SF3A1: variants seen among roughly 807,000 people sequenced by gnomAD.
SF3A1 encodes splicing factor 3a subunit 1.
Under a neutral mutation model 89.9 loss-of-function variants are expected in SF3A1, and 13 were observed. The ratio of observed to expected loss-of-function variants is 0.14; its 90% CI spans 0.09 to 0.23. SF3A1 has a LOEUF of 0.23. Ranked by LOEUF, SF3A1 falls within the 10% of genes least tolerant of loss-of-function variation. The probability of loss-of-function intolerance (pLI) is 1.00; values close to 1 mark genes in which losing one functional copy is unlikely to be tolerated. For synonymous variants in SF3A1, 405 were observed against 374.4 expected (o/e 1.08, Z -0.94); for missense variants, 604 against 1,022.1 (o/e 0.59, Z 5.58).
chr22:30,337,944 T>TC (rs1379337833), intron 11 of SF3A1, 47 bp from the exon 12 acceptor site: 2 of 1,403,836 alleles, frequency 1.4e-6, no homozygotes, highest in East Asian at 4.6e-5. Flanking sequence ...AAAGTTGGAC[T>TC]CCAAGGTCAC....
rs775754074 is a variant in SF3A1 at position 30,346,371 on chromosome 22, C to T, written c.334G>A (p.Ala112Thr). The change falls in exon 3 of 16, where the codon GCC (alanine) becomes ACC (threonine). Residue 112 changes from alanine (A) to threonine (T), a missense_variant. Physicochemically the swap from Ala to Thr is moderately conservative, Grantham distance 58. Around this residue, in one of 9 missense-constraint regions of SF3A1, gnomAD observed 162 missense variants for 229.2 expected, o/e 0.71. Coordinates refer to ENST00000215793, the MANE Select transcript of SF3A1 (RefSeq NM_005877.6). Reference protein sequence around the residue: ...KEGKAQEPSAAIPKVMQQQQQ... With the variant: ...KEGKAQEPSATIPKVMQQQQQ... ...TGCTGCTGCATGACCTTGGGGATGGCGGCGGACGGCTCCTGAGCCTTCCCT... is the reference window on the plus strand; with the variant it reads ...TGCTGCTGCATGACCTTGGGGATGGTGGCGGACGGCTCCTGAGCCTTCCCT... 39 of 1,613,864 alleles carry T rather than the reference C, an allele frequency of 2.4e-5. No individual in the cohort carries two copies. Among genetic ancestry groups the T allele is most frequent in the South Asian group, 5.5e-5 (5 of 91,074 alleles).
At chr22:30,356,619 G>C (rs925356488) in intron 1 of SF3A1, 111 bp downstream of exon 1, 3 of 814,100 alleles carry the variant, frequency 3.7e-6, no homozygotes, top group Non-Finnish European at 5.2e-6. Context: ...AGCCTCTTGG[G>C]ACTTGCAGTC....
chr22:30,344,627 C>A (rs909140564), intron 4 of SF3A1, among the ~76,000 whole-genome samples: 1 of 152,204 alleles, frequency 6.6e-6, no homozygotes, highest in Non-Finnish European at 1.5e-5. Flanking sequence ...TACTAGGCAA[C>A]TGAAAACGGA....
In SF3A1 at chr22:30,342,300, C is replaced by T; in HGVS notation, c.777G>A (p.Lys259=). ...WAKFQERERK[K]EEEEKEKERV... is the part of the protein sequence containing the mutation. ...GCTCCTTCTCCTTCTCCTCTTCTTC[C>T]TTCTTCCTCTCACGTTCCTGGAATT... Residue 259 remains lysine (K), a synonymous_variant, in exon 6 of 16, where the codon AAG becomes AAA. Coordinates refer to ENST00000215793, the MANE Select transcript of SF3A1 (RefSeq NM_005877.6). 1 of 1,614,118 alleles carries T rather than the reference C, an allele frequency of 6.2e-7. No individual in the cohort carries two copies. The highest frequency in any genetic ancestry group is 8.5e-7 in the Non-Finnish European group (1 of 1,180,004).
intron 2 of SF3A1, among the ~76,000 whole-genome samples, chr22:30,348,407 C>T (rs1340324571): frequency 1.3e-5 from 2 of 152,194 alleles, no homozygotes; most frequent in Non-Finnish European, 2.9e-5. Flanking sequence ...ACTCAGGAGG[C>T]TGAGGCGAGA....
rs1193462097 is a variant in SF3A1 at position 30,332,124 on chromosome 22, T to TA, written c.*2469dup. The TA allele has an allele frequency of 1.3e-5, 2 of 152,232 alleles. No homozygotes were observed. Among genetic ancestry groups the TA allele is most frequent in the Non-Finnish European group, 2.9e-5 (2 of 68,036 alleles). The allele number at this position is 152,232 out of a possible 1,614,324, so 9.4% of individuals were successfully genotyped here. A position where few individuals can be genotyped will look rare whatever the true frequency, so the allele number is the denominator to read the frequency against. ...GGGATAAATGAAATATGATTGCTAA[T>TA]AGTACATGTATTTCCATTCAAGTAT... is the stretch of plus-strand genomic sequence containing the variant. On this transcript the variant is annotated 3_prime_UTR_variant, in exon 16 of 16. Coordinates refer to ENST00000215793, the MANE Select transcript of SF3A1 (RefSeq NM_005877.6).
intron 1 of SF3A1, among the ~76,000 whole-genome samples, chr22:30,353,594 T>A (rs893354541): frequency 6.6e-6 from 1 of 152,216 alleles, no homozygotes; most frequent in African/African-American, 2.4e-5. Flanking sequence ...TGTAAAACTT[T>A]TTGTTCTGTT....
At chr22:30,338,467 A>C (rs1201487295) in intron 11 of SF3A1, among the ~76,000 whole-genome samples, 1 of 151,572 alleles carries the variant, frequency 6.6e-6, no homozygotes, top group Non-Finnish European at 1.5e-5. Flanking sequence ...TCAAAAAAAA[A>C]AAAAAAAGAG....
rs1179934012 is a variant in SF3A1, at chr22:30,333,557, G to A, written c.*1037C>T. ...CAGCCTGCCTTTACTCAGAAACCAGGACTGTGACGTGTTTTGCACACATTC... is the reference window on the plus strand; with the variant it reads ...CAGCCTGCCTTTACTCAGAAACCAGAACTGTGACGTGTTTTGCACACATTC... On this transcript the variant is annotated 3_prime_UTR_variant, in exon 16 of 16. Transcript: ENST00000215793. The A allele has an allele frequency of 6.6e-6, 1 of 152,194 alleles. No individual in the cohort carries two copies. The highest frequency in any genetic ancestry group is 1.5e-5 in the Non-Finnish European group (1 of 68,044). The allele number at this position is 152,194 out of a possible 1,614,324, so 9.4% of individuals were successfully genotyped here.
At chr22:30,346,578 G>T in intron 2 of SF3A1, 59 bp from the exon 3 acceptor site, 2 of 1,584,754 alleles carry the variant, frequency 1.3e-6, no homozygotes, top group Non-Finnish European at 1.7e-6. Context: ...CTGTGATCTA[G>T]AACACTGCCC....
chr22:30,345,780 G>A (rs1178317117), intron 3 of SF3A1, among the ~76,000 whole-genome samples: 1 of 152,196 alleles, frequency 6.6e-6, no homozygotes, highest in Non-Finnish European at 1.5e-5. Flanking sequence ...CTGGACAGGA[G>A]GAAAAACATG....
chr22:30,340,649 A>G, intron 8 of SF3A1, 46 bp downstream of exon 8: 1 of 1,215,266 alleles, frequency 8.2e-7, no homozygotes, highest in Non-Finnish European at 1.2e-6. Context: ...GAGGGCACAC[A>G]GGACTTCCTG....
rs1931169881 is a variant in SF3A1 at position 30,339,150 on chromosome 22, T to C, written c.1477A>G (p.Ile493Val). The C allele has an allele frequency of 1.9e-6, 3 of 1,614,074 alleles. No homozygotes were observed. The Admixed American group carries it at 5.0e-5, about 27-fold the overall frequency. The change falls in exon 10 of 16, where the codon ATC becomes GTC. Residue 493 changes from isoleucine to valine, a missense_variant. This residue lies in a region of SF3A1 where 22 missense variants were observed against 116.0 expected (regional missense o/e 0.19). Transcript: ENST00000215793. The part of the protein sequence containing the change: ...AIGKKIGEEE[I>V]QKPEEKVTWD... Reference sequence around the variant, plus strand: ...CGCACCTTTTCCTCTGGCTTCTGGATCTCCTCCTCACCGATCTTCTTACCA... The same window carrying C: ...CGCACCTTTTCCTCTGGCTTCTGGACCTCCTCCTCACCGATCTTCTTACCA...
chr22:30,341,875 A>C lies in SF3A1; in HGVS notation c.888T>G (p.Pro296=), dbSNP rs772436592. ...DFQPNEQGNF[P]PPTTPEELGA... ...CCAGCTCCTCTGGCGTGGTGGGGGG[A>C]GGGAAGTTCCCTAGAGGGTGAGCCA... Residue 296 remains proline, a synonymous_variant, in exon 7 of 16, where the codon CCT becomes CCG. Coordinates refer to ENST00000215793, the MANE Select transcript of SF3A1 (RefSeq NM_005877.6). The C allele has an allele frequency of 6.2e-7, 1 of 1,612,158 alleles. No individual in the cohort carries two copies.
intron 7 of SF3A1, 108 bp downstream of exon 7, chr22:30,341,584 C>A: frequency 1.6e-6 from 1 of 610,930 alleles, no homozygotes. Context: ...AGGACCCACG[C>A]CTCCTTTCAA....
chr22:30,336,316 A>G (rs1208322209), intron 13 of SF3A1, among the ~76,000 whole-genome samples: 1 of 152,200 alleles, frequency 6.6e-6, no homozygotes, highest in Non-Finnish European at 1.5e-5. Flanking sequence ...CCAGGAGTTC[A>G]AGACAAGCCT....
At chr22:30,346,796 G>A (rs1027914786) in intron 2 of SF3A1, among the ~76,000 whole-genome samples, 2 of 151,850 alleles carry the variant, frequency 1.3e-5, no homozygotes, top group South Asian at 2.1e-4. Context: ...CTAGGCTATC[G>A]CTCATTTCTT....
chr22:30,335,347 T>C, intron 15 of SF3A1, 120 bp downstream of exon 15: 1 of 864,088 alleles, frequency 1.2e-6, no homozygotes, highest in Non-Finnish European at 1.9e-6. Context: ...CTAGGATGGA[T>C]TCAGATGGCC....
chr22:30,335,811 G>GC, intron 13 of SF3A1, 58 bp from the exon 14 acceptor site: 1 of 1,382,718 alleles, frequency 7.2e-7, no homozygotes, highest in Non-Finnish European at 1.0e-6. Flanking sequence ...CAAGAACTAT[G>GC]CTCTGCTATC....
Sources: allele counts gnomAD v4.1 joint callset (sites outside exome capture counted in the v4.1 genomes callset), GRCh38; gene constraint gnomAD v4.1.1; regional missense constraint gnomAD v4.1.1; transcripts MANE v1.5; gene names NCBI Gene and HGNC (gene_info 2026-07-23, HGNC 2026-07-21).